Variants in LINGO1 observed in about 807,000 individuals in gnomAD.
LINGO1 encodes leucine-rich repeat and immunoglobulin-like domain-containing nogo receptor-interacting protein 1.
LINGO1 carries 11 observed loss-of-function variants against 37.3 expected under a neutral mutation model. The observed-to-expected ratio is 0.29, with a 90% CI of 0.19 to 0.49. LINGO1 has a LOEUF of 0.49. Ranked by LOEUF, LINGO1 falls within the 20% of genes least tolerant of loss-of-function variation. LINGO1 has a pLI of 0.99. For missense variants in LINGO1, 585 were observed against 878.2 expected, an observed-to-expected ratio of 0.67 and a Z score of 4.22; for synonymous variants, 387 against 403.0, an observed-to-expected ratio of 0.96 and a Z score of 0.48.
intron 2 of LINGO1, among the ~76,000 whole-genome samples, chr15:77,733,989 A>G (rs1488944566): frequency 1.3e-5 from 2 of 152,224 alleles, no homozygotes; most frequent in Non-Finnish European, 2.9e-5. Context: ...CACACGACAC[A>G]GTGCTCAGGA....
intron 1 of LINGO1, among the ~76,000 whole-genome samples, chr15:77,628,325 AT>A (rs1310483483): frequency 6.6e-6 from 1 of 152,240 alleles, no homozygotes; most frequent in East Asian, 1.9e-4. Flanking sequence ...TGGTAGGAGA[AT>A]GTTAATTACA....
At chr15:77,704,241 C>T (rs1408504586) in intron 2 of LINGO1, among the ~76,000 whole-genome samples, 1 of 152,146 alleles carries the variant, frequency 6.6e-6, no homozygotes, top group Non-Finnish European at 1.5e-5. Context: ...CTAACAGGCC[C>T]CATGGGAGAG....
At chr15:77,740,882 C>CT (rs1162592139) in intron 1 of LINGO1, among the ~76,000 whole-genome samples, 1 of 152,250 alleles carries the variant, frequency 6.6e-6, no homozygotes, top group African/African-American at 2.4e-5. Flanking sequence ...GGCAGTGCTT[C>CT]TGCCGAGCTA....
intron 2 of LINGO1, among the ~76,000 whole-genome samples, chr15:77,718,690 G>C (rs2076014001): frequency 6.6e-6 from 1 of 150,744 alleles, no homozygotes; most frequent in African/African-American, 2.4e-5. Context: ...TGGCAGTATA[G>C]ACCCCTTAGT....
intron 3 of LINGO1, among the ~76,000 whole-genome samples, chr15:77,650,405 A>T (rs1261297118): frequency 1.3e-5 from 2 of 152,172 alleles, no homozygotes; most frequent in African/African-American, 4.8e-5. Context: ...AGTCCCTGCT[A>T]TTATTTTGTG....
intron 1 of LINGO1, among the ~76,000 whole-genome samples, chr15:77,627,740 G>A (rs2074136898): frequency 6.6e-6 from 1 of 152,170 alleles, no homozygotes; most frequent in South Asian, 2.1e-4. Flanking sequence ...CCTGGAATTT[G>A]CTGTCCTTTG....
At chr15:77,796,908 C>A (rs1172668943) in intron 1 of LINGO1, among the ~76,000 whole-genome samples, 1 of 152,142 alleles carries the variant, frequency 6.6e-6, no homozygotes, top group Non-Finnish European at 1.5e-5. Flanking sequence ...AACTATGTTG[C>A]CCAGGCTGGT....
intron 3 of LINGO1, among the ~76,000 whole-genome samples, chr15:77,660,654 C>T (rs140083205): frequency 2.0e-5 from 3 of 152,204 alleles, no homozygotes; most frequent in African/African-American, 4.8e-5. Context: ...GAAATTCATT[C>T]GGGCTAGTGG....
At chr15:77,794,737 G>A (rs1596239153) in intron 2 of LINGO1, among the ~76,000 whole-genome samples, 1 of 151,456 alleles carries the variant, frequency 6.6e-6, no homozygotes, top group Non-Finnish European at 1.5e-5. Context: ...ACAGGCGCCC[G>A]CCACCACGCC....
upstream of LINGO1, among the ~76,000 whole-genome samples, chr15:77,699,642 C>T (rs2075749132): frequency 8.6e-6 from 1 of 115,966 alleles, no homozygotes; most frequent in Admixed American, 8.8e-5. Context: ...CACATACTAA[C>T]CATCATCTGC....
intron 1 of LINGO1, among the ~76,000 whole-genome samples, chr15:77,768,360 A>C (rs2076550966): frequency 6.6e-6 from 1 of 152,090 alleles, no homozygotes; most frequent in South Asian, 2.1e-4. Context: ...AGGCCTCCTG[A>C]ACTTTTCTTT....
intron 2 of LINGO1, among the ~76,000 whole-genome samples, chr15:77,715,132 G>A (rs564681384): frequency 2.0e-5 from 3 of 152,332 alleles, no homozygotes; most frequent in South Asian, 2.1e-4. Flanking sequence ...GTGGTCACAC[G>A]TGGGATGTGG....
intron 3 of LINGO1, chr15:77,648,231 G>A (rs563729020): frequency 2.0e-4 from 59 of 302,124 alleles, no homozygotes; most frequent in Non-Finnish European, 3.5e-4. Flanking sequence ...CACCGGCTGC[G>A]TTCCAGGCAC....
chr15:77,627,049 C>A (rs1014853800), intron 1 of LINGO1, among the ~76,000 whole-genome samples: 4 of 148,056 alleles, frequency 2.7e-5, no homozygotes, highest in Non-Finnish European at 5.9e-5. Context: ...AGAGCAGGTT[C>A]TCTGCAGAGG....
At chr15:77,730,514 C>T (rs927766606) in intron 2 of LINGO1, among the ~76,000 whole-genome samples, 4 of 146,744 alleles carry the variant, frequency 2.7e-5, no homozygotes, top group Non-Finnish European at 6.1e-5. Flanking sequence ...GATGGTCCAG[C>T]GCCTGCCCCG....
At chr15:77,806,589 C>T (rs2076961585) in intron 1 of LINGO1, among the ~76,000 whole-genome samples, 1 of 152,088 alleles carries the variant, frequency 6.6e-6, no homozygotes, top group Non-Finnish European at 1.5e-5. Flanking sequence ...GGTGAGTGGG[C>T]TTTACAAACT....
At chr15:77,764,466 T>C (rs2076507527) in intron 1 of LINGO1, among the ~76,000 whole-genome samples, 2 of 152,164 alleles carry the variant, frequency 1.3e-5, no homozygotes, top group East Asian at 1.9e-4. Flanking sequence ...TTCCAGGCTA[T>C]ATAAAGAATT....
intron 1 of LINGO1, among the ~76,000 whole-genome samples, chr15:77,800,894 A>G (rs1478689269): frequency 6.6e-6 from 1 of 152,258 alleles, no homozygotes; most frequent in Non-Finnish European, 1.5e-5. Flanking sequence ...GAGGAATTAA[A>G]TTGGCCAATA....
At chr15:77,820,510 C>A (rs2077088530), upstream of LINGO1, among the ~76,000 whole-genome samples, 1 of 152,146 alleles carries the variant, frequency 6.6e-6, no homozygotes, top group Non-Finnish European at 1.5e-5. Flanking sequence ...GACTGCGTGG[C>A]GGGGGATGGG....
Sources: gnomAD v4.1 joint callset for allele counts (sites outside exome capture counted in the v4.1 genomes callset) on GRCh38, gnomAD v4.1.1 for gene constraint, MANE v1.5 for transcripts, NCBI Gene and HGNC (gene_info 2026-07-23, HGNC 2026-07-21) for gene names.